PLCB1: variants seen among roughly 807,000 people sequenced by gnomAD.
PLCB1 encodes the protein 1-phosphatidylinositol 4,5-bisphosphate phosphodiesterase beta-1.
A neutral mutation model predicts 161.8 loss-of-function variants in PLCB1; 46 were observed. That is an observed-to-expected ratio of 0.28 (90% confidence interval 0.22 to 0.36). The LOEUF (loss-of-function observed/expected upper bound fraction) is 0.36. PLCB1 is among the 10% of genes least tolerant of loss of function. The probability of loss-of-function intolerance (pLI) is 1.00; values close to 1 mark genes in which losing one functional copy is unlikely to be tolerated. For missense variants in PLCB1, 1,016 were observed against 1,472.5 expected, an observed-to-expected ratio of 0.69 and a Z score of 5.07; for synonymous variants, 517 against 503.7, an observed-to-expected ratio of 1.03 and a Z score of -0.35.
chr20:8,403,457 A>G (rs1978649928), intron 3 of PLCB1, among the ~76,000 whole-genome samples: 1 of 152,226 alleles, frequency 6.6e-6, no homozygotes, highest in African/African-American at 2.4e-5. Flanking sequence ...AAATGATGTA[A>G]TTGGGAATCG....
intron 2 of PLCB1, among the ~76,000 whole-genome samples, chr20:8,360,972 G>C (rs1986520356): frequency 6.6e-6 from 1 of 152,150 alleles, no homozygotes; most frequent in East Asian, 1.9e-4. Context: ...GGTAAAGCAA[G>C]GATAAATGCC....
intron 3 of PLCB1, among the ~76,000 whole-genome samples, chr20:8,541,982 C>A (rs1328647753): frequency 1.3e-5 from 2 of 152,170 alleles, no homozygotes. Flanking sequence ...AATTTTCCTC[C>A]CAGTCGGAGG....
intron 1 of PLCB1, among the ~76,000 whole-genome samples, chr20:8,134,754 A>C (rs529736941): frequency 9.0e-4 from 137 of 152,128 alleles, no homozygotes; most frequent in Non-Finnish European, 1.6e-3. Flanking sequence ...CAACCAAAGA[A>C]GAAGTTGAAA....
intron 31 of PLCB1, among the ~76,000 whole-genome samples, chr20:8,829,732 G>C (rs1451422246): frequency 6.6e-6 from 1 of 152,046 alleles, no homozygotes; most frequent in Non-Finnish European, 1.5e-5. Context: ...GAGTAGAGAG[G>C]GTAGAACAAA....
intron 3 of PLCB1, among the ~76,000 whole-genome samples, chr20:8,576,606 G>C (rs1035191929): frequency 2.0e-5 from 3 of 151,984 alleles, no homozygotes; most frequent in Admixed American, 6.6e-5. Flanking sequence ...GAAATATTTT[G>C]GGAATATGTA....
rs1473697 is a variant in PLCB1 at position 8,649,196 on chromosome 20, G to A, written c.519-178G>A. ...CTAGACACCTTAATTTTAAAAGCAC[G>A]CAGTTGATCTTTCAGAAGACAGATG... On this transcript the variant is annotated intron_variant, in intron 6 of 31. Coordinates refer to ENST00000338037, the MANE Select transcript of PLCB1 (RefSeq NM_015192.4). Among the ~76,000 whole-genome samples, 34,477 of 152,020 alleles carry A rather than the reference G, an allele frequency of 0.23. 4,113 individuals carry two copies. The highest frequency in any genetic ancestry group is 0.33 in the Admixed American group (4,982 of 15,268).
At chr20:8,374,091 G>C (rs1444636328) in intron 3 of PLCB1, among the ~76,000 whole-genome samples, 3 of 152,008 alleles carry the variant, frequency 2.0e-5, no homozygotes, top group Admixed American at 6.6e-5. Context: ...TGGCTTGGCT[G>C]TGTCCCCACC....
chr20:8,340,572 G>GCCACCGCGCCCT (rs1985766893), intron 2 of PLCB1, among the ~76,000 whole-genome samples: 1 of 151,908 alleles, frequency 6.6e-6, no homozygotes, highest in Non-Finnish European at 1.5e-5. Context: ...ACAGGCGCCC[G>GCCACCGCGCCCT]CCACCACGCC....
intron 2 of PLCB1, among the ~76,000 whole-genome samples, chr20:8,155,731 A>G (rs745367174): frequency 2.0e-5 from 3 of 152,192 alleles, no homozygotes; most frequent in Non-Finnish European, 4.4e-5. Context: ...TCTTGTGTAT[A>G]GTAAATGGGA....
At chr20:8,229,629 G>C (rs1342021738) in intron 2 of PLCB1, among the ~76,000 whole-genome samples, 1 of 151,984 alleles carries the variant, frequency 6.6e-6, no homozygotes, top group Non-Finnish European at 1.5e-5. Context: ...TTCCATCATC[G>C]CAGAAAGTTT....
chr20:8,296,295 A>G (rs1983625732), intron 2 of PLCB1, among the ~76,000 whole-genome samples: 1 of 152,162 alleles, frequency 6.6e-6, no homozygotes. Flanking sequence ...GTCCTCTGAA[A>G]TTACTTGGAG....
chr20:8,231,594 G>A (rs904600910), intron 2 of PLCB1, among the ~76,000 whole-genome samples: 3 of 152,160 alleles, frequency 2.0e-5, no homozygotes. Flanking sequence ...TTGTCAGCAG[G>A]TGTTTCTTCT....
chr20:8,347,011 T>A (rs780161625), intron 2 of PLCB1, among the ~76,000 whole-genome samples: 2 of 152,090 alleles, frequency 1.3e-5, no homozygotes, highest in East Asian at 3.9e-4. Context: ...GGAGAAGAAA[T>A]GACTGCAAAC....
At chr20:8,411,033 T>C (rs1276995392) in intron 3 of PLCB1, among the ~76,000 whole-genome samples, 1 of 152,130 alleles carries the variant, frequency 6.6e-6, no homozygotes, top group African/African-American at 2.4e-5. Context: ...ACTTTGAGAG[T>C]CAATGTCTGT....
At chr20:8,528,038 A>G (rs1271420046) in intron 3 of PLCB1, among the ~76,000 whole-genome samples, 1 of 152,106 alleles carries the variant, frequency 6.6e-6, no homozygotes, top group Non-Finnish European at 1.5e-5. Flanking sequence ...ATGTGGTAAC[A>G]ATGACGTAAT....
chr20:8,539,666 T>TTCTTTCTG, intron 3 of PLCB1, among the ~76,000 whole-genome samples: 2 of 94,976 alleles, frequency 2.1e-5, no homozygotes, highest in East Asian at 5.4e-4. Context: ...CTTTCTTTCT[T>TTCTTTCTG]TCTTTCTTTC....
intron 1 of PLCB1, among the ~76,000 whole-genome samples, chr20:8,142,235 C>T (rs572365394): frequency 5.3e-5 from 8 of 152,262 alleles, no homozygotes; most frequent in Non-Finnish European, 1.0e-4. Flanking sequence ...AGTGTGCAGC[C>T]TTGAGGCAGA....
chr20:8,341,073 C>G (rs1247862682), intron 2 of PLCB1, among the ~76,000 whole-genome samples: 1 of 152,092 alleles, frequency 6.6e-6, no homozygotes, highest in Non-Finnish European at 1.5e-5. Flanking sequence ...ACATGTGGAC[C>G]AACCTCCTTT....
At chr20:8,231,862 T>C (rs1980058807) in intron 2 of PLCB1, among the ~76,000 whole-genome samples, 1 of 152,168 alleles carries the variant, frequency 6.6e-6, no homozygotes, top group African/African-American at 2.4e-5. Flanking sequence ...GAATCAGATG[T>C]AACAGCCTCC....
Sources: gnomAD v4.1 joint callset for allele counts (sites outside exome capture counted in the v4.1 genomes callset) on GRCh38, gnomAD v4.1.1 for gene constraint, MANE v1.5 for transcripts, NCBI Gene and HGNC (gene_info 2026-07-23, HGNC 2026-07-21) for gene names.